CNTNAP4: variants seen among roughly 807,000 people sequenced by gnomAD.
The protein encoded by CNTNAP4 is contactin associated protein family member 4.
In CNTNAP4, 98 loss-of-function variants were observed where a neutral mutation model predicts 148.4. The observed-to-expected ratio is 0.66, with a 90% CI of 0.56 to 0.78. The LOEUF (loss-of-function observed/expected upper bound fraction) is 0.78, where lower values mean the gene tolerates loss of function less well. CNTNAP4 is among the 30% of genes least tolerant of loss of function. The probability of loss-of-function intolerance (pLI) is 0.00; values close to 1 mark genes in which losing one functional copy is unlikely to be tolerated. For missense variants in CNTNAP4, 1,935 were observed against 1,565.6 expected (o/e 1.24, Z -3.98); for synonymous variants, 730 against 565.1 (o/e 1.29, Z -4.14).
Position 76,494,801 on chromosome 16 carries a change from C to T in CNTNAP4, c.2081-109C>T. On this transcript the variant is annotated intron_variant, in intron 13 of 23. Transcript: ENST00000611870. ...TCCTTAAATCCAATCAATCTTTCTC[C>T]TTTTCTCCTTTTATTCTTTTTAATG... 4 of 1,185,358 alleles carry T rather than the reference C, an allele frequency of 3.4e-6. No individual in the cohort carries two copies. In the Admixed American group the frequency reaches 7.0e-5, roughly 21 times the overall value. The allele number at this position is 1,185,358 out of a possible 1,614,324, so 73.4% of individuals were successfully genotyped here.
chr16:76,452,749 T>A lies in CNTNAP4; in HGVS notation c.1313T>A (p.Leu438Ter). 6.3e-7 allele frequency: 1 copy of A among 1,595,324 alleles called. No homozygotes were observed. The highest frequency in any genetic ancestry group is 2.2e-5 in the East Asian group (1 of 44,546). The stretch of plus-strand genomic sequence containing the variant: ...TCGAATCTCTACCAGCCAGGAAAAT[T>A]ACCCAGTGACATCACAGCAGGTAAT... ...LKSNLYQPGK[L>*]PSDITAGVEL... is the part of the protein sequence containing the mutation. The change falls in exon 8 of 24, where the codon TTA becomes TAA. Residue 438 changes from leucine (L) to a stop codon, truncating the protein, a stop_gained. Transcript: ENST00000611870. LOFTEE classifies it high-confidence loss of function.
intron 1 of CNTNAP4, among the ~76,000 whole-genome samples, chr16:76,289,066 C>CT (rs201894053): frequency 6.4e-5 from 9 of 141,516 alleles, no homozygotes; most frequent in Non-Finnish European, 1.2e-4. Context: ...TCCCTCTCAC[C>CT]TTTTAAAAAA....
intron 21 of CNTNAP4, among the ~76,000 whole-genome samples, chr16:76,550,715 C>G (rs2084922260): frequency 6.7e-6 from 1 of 150,148 alleles, no homozygotes; most frequent in African/African-American, 2.4e-5. Flanking sequence ...CGGTCTTTTT[C>G]ATGTATATAT....
intron 2 of CNTNAP4, among the ~76,000 whole-genome samples, chr16:76,345,975 C>G (rs1277007604): frequency 1.3e-5 from 2 of 152,118 alleles, no homozygotes; most frequent in Admixed American, 1.3e-4. Context: ...TGTCTACAAG[C>G]CAGGGAACAA....
chr16:76,513,384 C>A lies in CNTNAP4; in HGVS notation c.2366-7756C>A, dbSNP rs7190150. Reference sequence around the variant, plus strand: ...AGGCATGAAGGAAATATAGTGTGATCGCAGAGGAGCATTGAGTGTGCACAC... The same window carrying A: ...AGGCATGAAGGAAATATAGTGTGATAGCAGAGGAGCATTGAGTGTGCACAC... On this transcript the variant is annotated intron_variant, in intron 15 of 23. Transcript: ENST00000611870. 3.2e-3 allele frequency among the ~76,000 whole-genome samples: 489 copies of A among 152,082 alleles called. 2 individuals are homozygous for A. The highest frequency in any genetic ancestry group is 0.011 in the African/African-American group (473 of 41,484).
chr16:76,558,469 A>T, intron 23 of CNTNAP4, 21 bp from the exon 24 acceptor site: 2 of 1,455,788 alleles, frequency 1.4e-6, no homozygotes, highest in Non-Finnish European at 1.9e-6. Flanking sequence ...TTCTGACTTT[A>T]TATTTCTTTT....
intron 3 of CNTNAP4, among the ~76,000 whole-genome samples, chr16:76,425,406 T>G (rs911227485): frequency 1.3e-5 from 2 of 152,194 alleles, no homozygotes; most frequent in African/African-American, 4.8e-5. Context: ...TCAACATATA[T>G]TTTATTGAGA....
chr16:76,413,297 A>C (rs1167328332), intron 3 of CNTNAP4, among the ~76,000 whole-genome samples: 2 of 151,188 alleles, frequency 1.3e-5, no homozygotes, highest in Admixed American at 1.3e-4. Flanking sequence ...TCTACTCTCT[A>C]TGTCCATGAA....
chr16:76,332,583 A>G, intron 2 of CNTNAP4, among the ~76,000 whole-genome samples: 1 of 152,122 alleles, frequency 6.6e-6, no homozygotes, highest in East Asian at 1.9e-4. Flanking sequence ...ATTGATACAT[A>G]ATCAACTGAC....
intron 19 of CNTNAP4, among the ~76,000 whole-genome samples, chr16:76,539,341 G>C (rs1267024313): frequency 1.3e-5 from 2 of 151,996 alleles, no homozygotes; most frequent in Non-Finnish European, 2.9e-5. Context: ...TATTTCCAGA[G>C]TGTGAGATAT....
At chr16:76,386,803 A>T (rs2016553280) in intron 3 of CNTNAP4, among the ~76,000 whole-genome samples, 1 of 152,142 alleles carries the variant, frequency 6.6e-6, no homozygotes. Flanking sequence ...TGATCATAGT[A>T]AGATTACCCT....
intron 3 of CNTNAP4, among the ~76,000 whole-genome samples, chr16:76,424,282 G>A (rs535039515): frequency 1.1e-3 from 167 of 152,196 alleles, no homozygotes; most frequent in Middle Eastern, 3.4e-3. Context: ...TGAAACAAAT[G>A]TGAGATCTTT....
chr16:76,363,441 C>T (rs1438884054), intron 3 of CNTNAP4, among the ~76,000 whole-genome samples: 3 of 151,880 alleles, frequency 2.0e-5, no homozygotes, highest in African/African-American at 7.3e-5. Flanking sequence ...AGATTACAGG[C>T]GTGAGATACT....
chr16:76,431,530 T>C (rs1464984943), intron 4 of CNTNAP4, among the ~76,000 whole-genome samples: 1 of 152,080 alleles, frequency 6.6e-6, no homozygotes, highest in Non-Finnish European at 1.5e-5. Context: ...AATACAAAAA[T>C]TAGCCGGGCG....
chr16:76,507,385 C>G lies in CNTNAP4; in HGVS notation c.2365+8691C>G, dbSNP rs2082871175. On this transcript the variant is annotated intron_variant, in intron 15 of 23. Coordinates refer to ENST00000611870, the MANE Select transcript of CNTNAP4 (RefSeq NM_033401.5). Reference sequence around the variant, plus strand: ...CCTACTGGCCTCCCATTCTCTTTGCCAGCCTCTGGTAATCATCCTTCTACT... The same window carrying G: ...CCTACTGGCCTCCCATTCTCTTTGCGAGCCTCTGGTAATCATCCTTCTACT... Among the ~76,000 whole-genome samples, 2 of 97,158 alleles carry G rather than the reference C, an allele frequency of 2.1e-5. 1 individual carries two copies. The highest frequency in any genetic ancestry group is 5.8e-5 in the Non-Finnish European group (2 of 34,232). 63.7% of individuals were successfully genotyped at this position (97,158 alleles called of 152,430 possible).
chr16:76,413,844 T>C (rs1264072410), intron 3 of CNTNAP4, among the ~76,000 whole-genome samples: 1 of 151,334 alleles, frequency 6.6e-6, no homozygotes, highest in African/African-American at 2.4e-5. Context: ...TAATATAGTT[T>C]GATACTAATG....
chr16:76,290,555 C>G (rs1215734666), intron 1 of CNTNAP4, among the ~76,000 whole-genome samples: 3 of 152,102 alleles, frequency 2.0e-5, no homozygotes, highest in Non-Finnish European at 4.4e-5. Flanking sequence ...TACCCAAAGA[C>G]CTATTCACTT....
chr16:76,427,460 A>G lies in CNTNAP4; in HGVS notation c.399A>G (p.Ser133=). ...YRQEDSIWGF[S]GNANADSVVY... ...TTTCCCTTTTCTTTTAGGGTTTTTC[A>G]GGAAATGCAAATGCAGACAGTGTTG... The change falls in exon 4 of 24, where the codon TCA becomes TCG. Residue 133 remains serine, a synonymous_variant. Coordinates refer to ENST00000611870, the MANE Select transcript of CNTNAP4 (RefSeq NM_033401.5). 6.2e-7 allele frequency: 1 copy of G among 1,601,880 alleles called. No homozygotes were observed. The highest frequency in any genetic ancestry group is 1.8e-5 in the Admixed American group (1 of 57,034).
intron 21 of CNTNAP4, among the ~76,000 whole-genome samples, chr16:76,551,395 TA>T (rs746520267): frequency 0.012 from 1,679 of 140,962 alleles, 34 homozygotes; most frequent in African/African-American, 0.041. Context: ...GAGAGTCTGT[TA>T]AAAAAAAAAT....
Sources: gnomAD v4.1 joint callset for allele counts (sites outside exome capture counted in the v4.1 genomes callset) on GRCh38, gnomAD v4.1.1 for gene constraint, MANE v1.5 for transcripts, NCBI Gene and HGNC (gene_info 2026-07-23, HGNC 2026-07-21) for gene names.